The following MAGI1 variants were observed in gnomAD, a reference collection of about 807,000 sequenced individuals.
MAGI1 encodes membrane associated guanylate kinase, WW and PDZ domain containing 1.
In MAGI1, 58 loss-of-function variants were observed where a neutral mutation model predicts 139.9. That is an observed-to-expected ratio of 0.41 (90% CI 0.34 to 0.52). MAGI1 has a LOEUF of 0.52. Ranked by LOEUF, MAGI1 falls within the 20% of genes least tolerant of loss-of-function variation. MAGI1 has a pLI of 0.12. For synonymous variants in MAGI1, 812 were observed against 737.9 expected (o/e 1.10, Z -1.63); for missense variants, 1,874 against 1,901.6 (o/e 0.99, Z 0.27).
intron 1 of MAGI1, among the ~76,000 whole-genome samples, chr3:65,628,724 A>G (rs2084119748): frequency 6.6e-6 from 1 of 152,300 alleles, no homozygotes; most frequent in South Asian, 2.1e-4. Flanking sequence ...TTAGCATTCC[A>G]TCCAGCTGCC....
intron 2 of MAGI1, among the ~76,000 whole-genome samples, chr3:65,500,567 C>T (rs542291368): frequency 3.2e-4 from 49 of 152,312 alleles, no homozygotes; most frequent in African/African-American, 8.2e-4. Flanking sequence ...AACTTATCTG[C>T]GCTATCTTTT....
intron 1 of MAGI1, among the ~76,000 whole-genome samples, chr3:65,970,639 A>G (rs1463843607): frequency 2.6e-5 from 4 of 152,072 alleles, no homozygotes; most frequent in African/African-American, 9.7e-5. Context: ...CCTGAACCCA[A>G]CCCCACACTC....
At chr3:65,493,766 G>A in intron 2 of MAGI1, 135 bp from the exon 3 acceptor site, 1 of 991,116 alleles carries the variant, frequency 1.0e-6, no homozygotes, top group South Asian at 1.6e-5. Context: ...TGTCCAGACA[G>A]GGACACAGTA....
intron 2 of MAGI1, among the ~76,000 whole-genome samples, chr3:65,550,678 C>T (rs2107964147): frequency 6.6e-6 from 1 of 152,256 alleles, no homozygotes; most frequent in Middle Eastern, 3.4e-3. Context: ...AACTGGAATT[C>T]CCAAGGCTAA....
At chr3:65,359,563 A>T (rs1350523423) in intron 22 of MAGI1, 1 of 1,001,856 alleles carries the variant, frequency 1.0e-6, no homozygotes, top group Non-Finnish European at 1.2e-6. Flanking sequence ...CAAAAAACTC[A>T]TTACAAAAAT....
At chr3:65,576,572 G>A (rs1014067416) in intron 2 of MAGI1, among the ~76,000 whole-genome samples, 4 of 152,124 alleles carry the variant, frequency 2.6e-5, no homozygotes, top group Non-Finnish European at 4.4e-5. Context: ...TTTTTGCCAG[G>A]CTGTCTCTGT....
chr3:65,633,118 T>C (rs1301341086), intron 1 of MAGI1, among the ~76,000 whole-genome samples: 2 of 152,170 alleles, frequency 1.3e-5, no homozygotes, highest in South Asian at 2.1e-4. Context: ...TGTGGACCAA[T>C]GGTCTCAGCC....
chr3:65,545,381 A>G (rs1264411299), intron 2 of MAGI1, among the ~76,000 whole-genome samples: 2 of 152,206 alleles, frequency 1.3e-5, no homozygotes, highest in East Asian at 3.9e-4. Context: ...TTAAAAATGT[A>G]TATACATGGA....
In MAGI1 at chr3:65,582,948, T is replaced by C. The variant is rs143093169; in HGVS notation, c.430+39024A>G. ...CAACACAGACATAATGTAAACCACA[T>C]ATATGATTTTAAGTTACGTAATGTT... On this transcript the variant is annotated intron_variant, in intron 2 of 22. Transcript: ENST00000402939. Among the ~76,000 whole-genome samples the C allele has an allele frequency of 3.3e-3, 503 of 152,284 alleles. 1 individual carries two copies. Among genetic ancestry groups the C allele is most frequent in the Non-Finnish European group, 5.7e-3 (390 of 68,016 alleles).
chr3:65,581,261 G>A (rs1351813316), intron 2 of MAGI1, among the ~76,000 whole-genome samples: 1 of 152,070 alleles, frequency 6.6e-6, no homozygotes, highest in Non-Finnish European at 1.5e-5. Context: ...CTGGAATGAT[G>A]TAGTGACGAT....
intron 1 of MAGI1, among the ~76,000 whole-genome samples, chr3:65,902,128 G>T (rs1439076963): frequency 3.3e-5 from 5 of 152,116 alleles, no homozygotes; most frequent in African/African-American, 1.2e-4. Flanking sequence ...GTCTGGATTT[G>T]CTTATGTTTA....
At chr3:65,396,635 C>T (rs914746615) in intron 13 of MAGI1, among the ~76,000 whole-genome samples, 1 of 152,174 alleles carries the variant, frequency 6.6e-6, no homozygotes, top group Non-Finnish European at 1.5e-5. Context: ...GAAAAGAATT[C>T]ATGTGGCTTA....
intron 1 of MAGI1, among the ~76,000 whole-genome samples, chr3:65,683,657 G>GATATATATATATATATATATATATATAT (rs377247002): frequency 2.3e-5 from 2 of 86,424 alleles, no homozygotes; most frequent in African/African-American, 6.8e-5. Flanking sequence ...GACTGAATAG[G>GATATATATATATATATATATATATATAT]ATATATATAT....
chr3:65,474,127 T>G (rs1394423907), intron 4 of MAGI1, among the ~76,000 whole-genome samples: 2 of 152,072 alleles, frequency 1.3e-5, no homozygotes, highest in East Asian at 3.9e-4. Flanking sequence ...TAGCCGGGTG[T>G]AGTGGCACGT....
At chr3:65,925,941 G>A (rs1034514096) in intron 1 of MAGI1, among the ~76,000 whole-genome samples, 2 of 152,170 alleles carry the variant, frequency 1.3e-5, no homozygotes, top group Admixed American at 6.5e-5. Context: ...GCCTCCCAAA[G>A]TGCTAGGATT....
intron 1 of MAGI1, among the ~76,000 whole-genome samples, chr3:65,885,727 C>A (rs2060505245): frequency 6.6e-6 from 1 of 152,224 alleles, no homozygotes; most frequent in Non-Finnish European, 1.5e-5. Flanking sequence ...CCTTCACCTT[C>A]CACCATGATT....
At chr3:65,684,096 C>T (rs1157580321) in intron 1 of MAGI1, among the ~76,000 whole-genome samples, 2 of 149,532 alleles carry the variant, frequency 1.3e-5, no homozygotes, top group Non-Finnish European at 3.0e-5. Context: ...ATTGCTTGAG[C>T]CCAGAAATCT....
chr3:65,978,621 C>CTTTTTTTTTTTTT (rs373662388), intron 1 of MAGI1, among the ~76,000 whole-genome samples: 1 of 129,172 alleles, frequency 7.7e-6, no homozygotes, highest in Non-Finnish European at 1.6e-5. Flanking sequence ...CTCAAAATTT[C>CTTTTTTTTTTTTT]TTTTTTTTTT....
chr3:65,990,333 G>A (rs1398055089), intron 1 of MAGI1, among the ~76,000 whole-genome samples: 1 of 152,176 alleles, frequency 6.6e-6, no homozygotes, highest in Non-Finnish European at 1.5e-5. Context: ...AGGTTACTGA[G>A]GGAAGACCAA....
Sources: gnomAD v4.1 joint callset for allele counts (sites outside exome capture counted in the v4.1 genomes callset) on GRCh38, gnomAD v4.1.1 for gene constraint, MANE v1.5 for transcripts, NCBI Gene and HGNC (gene_info 2026-07-23, HGNC 2026-07-21) for gene names.